The following ADCY10 variants were observed in gnomAD, a reference collection of about 807,000 sequenced individuals.
ADCY10 encodes adenylate cyclase type 10.
Under a neutral mutation model 183.3 loss-of-function variants are expected in ADCY10, and 156 were observed. The observed-to-expected ratio is 0.85, with a 90% CI of 0.75 to 0.97. The LOEUF (loss-of-function observed/expected upper bound fraction) is 0.97. ADCY10 is among the 50% of genes least tolerant of loss of function. The pLI is 0.00. For synonymous variants in ADCY10, 645 were observed against 670.0 expected (o/e 0.96, Z 0.58); for missense variants, 1,745 against 1,934.3 (o/e 0.90, Z 1.84).
At chr1:167,846,709 C>T (rs1312256483) in intron 19 of ADCY10, among the ~76,000 whole-genome samples, 1 of 152,112 alleles carries the variant, frequency 6.6e-6, no homozygotes, top group African/African-American at 2.4e-5. Context: ...TCTATCTGCC[C>T]TAGAAATTTA....
At position 167,905,108 on chromosome 1, in the gene ADCY10, C is replaced by T. The variant is rs755049557; in HGVS notation, c.33G>A (p.Trp11Ter). 6.2e-7 allele frequency: 1 copy of T among 1,614,128 alleles called. No homozygotes were observed. The highest frequency in any genetic ancestry group is 8.5e-7 in the Non-Finnish European group (1 of 1,180,026). The change falls in exon 2 of 33, where the codon TGG becomes TGA. Residue 11 changes from tryptophan (W) to a stop codon, truncating the protein, a stop_gained. Coordinates refer to ENST00000367851, the MANE Select transcript of ADCY10 (RefSeq NM_018417.6). LOFTEE classifies it high-confidence loss of function. MNTPKEEFQD[W>*]PIVRIAAHLP... ...AATGAGCTGCTATTCTGACTATGGG[C>T]CAGTCCTGGAATTCTTCTTTTGGAG... is the stretch of plus-strand genomic sequence containing the variant.
At chr1:167,903,495 C>T (rs1316092341) in intron 3 of ADCY10, among the ~76,000 whole-genome samples, 3 of 151,838 alleles carry the variant, frequency 2.0e-5, no homozygotes, top group Admixed American at 6.6e-5. Context: ...ACCCAGGAGG[C>T]GAAGGTTGCA....
chr1:167,846,863 T>C (rs1571289022), intron 19 of ADCY10, among the ~76,000 whole-genome samples: 1 of 152,274 alleles, frequency 6.6e-6, no homozygotes, highest in Admixed American at 6.5e-5. Context: ...TGTCCTTCTG[T>C]TAGGGACAAA....
intron 13 of ADCY10, among the ~76,000 whole-genome samples, 172 bp downstream of exon 13, chr1:167,874,959 G>A (rs1667350497): frequency 6.6e-6 from 1 of 152,198 alleles, no homozygotes; most frequent in Non-Finnish European, 1.5e-5. Context: ...GGGAAAGGAA[G>A]AAGGAAAGAG....
intron 21 of ADCY10, among the ~76,000 whole-genome samples, chr1:167,840,109 G>A (rs1664506779): frequency 6.6e-6 from 1 of 151,500 alleles, no homozygotes; most frequent in Non-Finnish European, 1.5e-5. Context: ...GCATGTGCCT[G>A]TAGTCCCACC....
At chr1:167,902,192 C>T in intron 3 of ADCY10, 138 bp from the exon 4 acceptor site, 2 of 875,754 alleles carry the variant, frequency 2.3e-6, no homozygotes, top group South Asian at 1.5e-5. Flanking sequence ...AGATCTCATC[C>T]CAGACAAGCC....
chr1:167,826,468 G>T (rs193129372), intron 26 of ADCY10, among the ~76,000 whole-genome samples: 20 of 152,322 alleles, frequency 1.3e-4, no homozygotes, highest in African/African-American at 4.8e-4. Flanking sequence ...CTGCCTTTGA[G>T]CACTGAGGGG....
At chr1:167,907,862 T>C (rs957850759) in intron 1 of ADCY10, among the ~76,000 whole-genome samples, 1 of 152,160 alleles carries the variant, frequency 6.6e-6, no homozygotes, top group African/African-American at 2.4e-5. Context: ...ATAAAGAAAA[T>C]ATAATTGGCT....
chr1:167,883,945 T>TA (rs1197729183), intron 8 of ADCY10, among the ~76,000 whole-genome samples: 1 of 152,188 alleles, frequency 6.6e-6, no homozygotes, highest in Non-Finnish European at 1.5e-5. Flanking sequence ...CTCCTATTTT[T>TA]AAAAAAATTT....
intron 18 of ADCY10, among the ~76,000 whole-genome samples, chr1:167,850,182 G>A (rs1665360713): frequency 6.6e-6 from 1 of 152,144 alleles, no homozygotes. Flanking sequence ...ATGTCAAGAA[G>A]TGAGGATGGA....
chr1:167,811,987 T>G (rs563579203), intron 31 of ADCY10, among the ~76,000 whole-genome samples: 2 of 152,326 alleles, frequency 1.3e-5, no homozygotes, highest in South Asian at 4.1e-4. Context: ...GATGGTAAAC[T>G]GAGGTTAATT....
At chr1:167,856,703 T>C (rs1323324584) in intron 16 of ADCY10, among the ~76,000 whole-genome samples, 1 of 152,204 alleles carries the variant, frequency 6.6e-6, no homozygotes, top group Non-Finnish European at 1.5e-5. Context: ...ATTTGGAGAA[T>C]AGATGGAGTT....
intron 8 of ADCY10, among the ~76,000 whole-genome samples, chr1:167,887,645 C>T (rs1445338345): frequency 7.9e-5 from 12 of 151,474 alleles, no homozygotes; most frequent in Admixed American, 2.0e-4. Flanking sequence ...GTATACATAA[C>T]GTAACAAACC....
intron 16 of ADCY10, among the ~76,000 whole-genome samples, chr1:167,859,210 A>T (rs1666118170): frequency 6.6e-6 from 1 of 152,198 alleles, no homozygotes; most frequent in South Asian, 2.1e-4. Context: ...TTTGGTGTTT[A>T]TAAGAGAGGT....
chr1:167,830,398 G>A (rs1663632084), intron 25 of ADCY10, among the ~76,000 whole-genome samples: 1 of 148,882 alleles, frequency 6.7e-6, no homozygotes, highest in African/African-American at 2.5e-5. Flanking sequence ...AAAAAAAAAA[G>A]AGGATTTTTT....
rs200279574 is a variant in ADCY10, at chr1:167,899,891, C to G, written c.437-263G>C. On this transcript the variant is annotated intron_variant, in intron 5 of 32. Transcript: ENST00000367851. ...CTCACTACATGGTCCTACCAGTCCC[C>G]AAAGTTATTTTTACCTTTTCTTCAA... Among the ~76,000 whole-genome samples the G allele has an allele frequency of 1.2e-4, 18 of 152,298 alleles. No homozygotes were observed. In the East Asian group the frequency reaches 2.9e-3, roughly 24 times the overall value.
chr1:167,848,912 T>C (rs936975908), intron 18 of ADCY10, among the ~76,000 whole-genome samples: 1 of 152,128 alleles, frequency 6.6e-6, no homozygotes, highest in Non-Finnish European at 1.5e-5. Context: ...AGTGCTGGGA[T>C]TACAGGTATG....
At position 167,834,297 on chromosome 1, in the gene ADCY10, A is replaced by C. The variant is rs2101908802; in HGVS notation, c.3310-220T>G. ...CTTCATGCTTACCTTTGTCTGCTGG[A>C]TCACTCCATCAAGAGAATGAATCTG... On this transcript the variant is annotated intron_variant, in intron 23 of 32. Coordinates refer to ENST00000367851, the MANE Select transcript of ADCY10 (RefSeq NM_018417.6). The C allele has an allele frequency of 1.0e-5, 6 of 596,598 alleles. 1 individual carries two copies. The highest frequency in any genetic ancestry group is 7.9e-5 in the South Asian group (4 of 50,804). The allele number at this position is 596,598 out of a possible 1,614,324, so 37.0% of individuals were successfully genotyped here. A position where few individuals can be genotyped will look rare whatever the true frequency, so the allele number is the denominator to read the frequency against.
intron 21 of ADCY10, among the ~76,000 whole-genome samples, chr1:167,843,818 C>G (rs929013823): frequency 1.3e-5 from 2 of 152,164 alleles, no homozygotes; most frequent in Non-Finnish European, 2.9e-5. Flanking sequence ...AGACACCTCA[C>G]CAGGCTTGAG....
Sources: gnomAD v4.1 joint callset for allele counts (sites outside exome capture counted in the v4.1 genomes callset) on GRCh38, gnomAD v4.1.1 for gene constraint, MANE v1.5 for transcripts, NCBI Gene and HGNC (gene_info 2026-07-23, HGNC 2026-07-21) for gene names.